Variants in ST7L observed in about 807,000 individuals in gnomAD.
ST7L encodes the protein suppressor of tumorigenicity 7 protein-like.
A neutral mutation model predicts 72.5 loss-of-function variants in ST7L; 57 were observed. The observed-to-expected ratio is 0.79, with a 90% CI of 0.64 to 0.98. The LOEUF is 0.98. Ranked by LOEUF, ST7L falls within the 50% of genes least tolerant of loss-of-function variation. ST7L has a pLI of 0.00. For synonymous variants in ST7L, 221 were observed against 240.9 expected, an observed-to-expected ratio of 0.92 and a Z score of 0.77; for missense variants, 576 against 672.2, an observed-to-expected ratio of 0.86 and a Z score of 1.58.
intron 13 of ST7L, among the ~76,000 whole-genome samples, chr1:112,542,436 G>C (rs1479637197): frequency 2.6e-5 from 4 of 152,188 alleles, no homozygotes; most frequent in Admixed American, 6.5e-5. Context: ...GCTATGGAGA[G>C]TTGTAATGAT....
At position 112,525,820 on chromosome 1, in the gene ST7L, T is replaced by C. The variant is rs1653288994; in HGVS notation, c.*193A>G. 1 of 647,588 alleles carries C rather than the reference T, an allele frequency of 1.5e-6. No individual in the cohort carries two copies. Among genetic ancestry groups the C allele is most frequent in the South Asian group, 3.2e-5 (1 of 31,404 alleles). 40.1% of individuals were successfully genotyped at this position (647,588 alleles called of 1,614,324 possible). On this transcript the variant is annotated 3_prime_UTR_variant, in exon 15 of 15. Transcript: ENST00000358039. ...AGGAAGACAATTTCATCTACAGTTG[T>C]CCTTTTTGACAGCTTCCAAGGGGGG...
rs567601091 is a variant in ST7L at position 112,551,138 on chromosome 1, C to CTTTTTTTTTTTTT, written c.1397-458_1397-446dup. Among the ~76,000 whole-genome samples, 24 of 77,222 alleles carry CTTTTTTTTTTTTT rather than the reference C, an allele frequency of 3.1e-4. 4 individuals carry two copies. The highest frequency in any genetic ancestry group is 1.1e-3 in the African/African-American group (18 of 15,784). The allele number at this position is 77,222 out of a possible 152,430, so 50.7% of individuals were successfully genotyped here. On this transcript the variant is annotated intron_variant, in intron 12 of 14. Transcript: ENST00000358039. The stretch of plus-strand genomic sequence containing the variant: ...TCACCAAAGCTTTCTATGAGCAGAT[C>CTTTTTTTTTTTTT]TTTTTTTTTTTTTTTTTTTTTTTTT...
chr1:112,565,105 C>T (rs1027123886), intron 11 of ST7L, among the ~76,000 whole-genome samples: 4 of 150,502 alleles, frequency 2.7e-5, no homozygotes, highest in Non-Finnish European at 5.9e-5. Context: ...AGTGCAATGG[C>T]GCGATCTCGG....
chr1:112,617,717 T>TCACACACACACA (rs56216561), intron 1 of ST7L, among the ~76,000 whole-genome samples: 1 of 126,432 alleles, frequency 7.9e-6, no homozygotes, highest in African/African-American at 4.1e-5. Context: ...TTTCTCTCTC[T>TCACACACACACA]CACACACACA....
chr1:112,552,590 G>C (rs1170778988), intron 12 of ST7L, among the ~76,000 whole-genome samples: 1 of 152,078 alleles, frequency 6.6e-6, no homozygotes, highest in Non-Finnish European at 1.5e-5. Flanking sequence ...TTTTAGTAGA[G>C]ACGGGGTTTC....
intron 11 of ST7L, among the ~76,000 whole-genome samples, chr1:112,561,542 G>A (rs775660578): frequency 6.6e-6 from 1 of 151,752 alleles, no homozygotes; most frequent in Non-Finnish European, 1.5e-5. Context: ...GTGCAATGGC[G>A]TGATCTCGGC....
chr1:112,577,619 T>C (rs1663352352), intron 10 of ST7L, among the ~76,000 whole-genome samples: 1 of 149,720 alleles, frequency 6.7e-6, no homozygotes, highest in South Asian at 2.1e-4. Flanking sequence ...GTCTTCAAAC[T>C]TAGGTAAAGA....
chr1:112,605,478 G>A (rs916570102), intron 3 of ST7L, among the ~76,000 whole-genome samples: 13 of 151,912 alleles, frequency 8.6e-5, no homozygotes, highest in African/African-American at 2.9e-4. Flanking sequence ...ATCACCTGAG[G>A]TTGGGAGTTC....
intron 11 of ST7L, among the ~76,000 whole-genome samples, chr1:112,568,630 T>C (rs1207357459): frequency 2.0e-5 from 3 of 150,858 alleles, no homozygotes; most frequent in Admixed American, 1.3e-4. Context: ...CCACTGCGCC[T>C]GGCCAATAAT....
chr1:112,615,242 C>T (rs1388921016), intron 2 of ST7L, among the ~76,000 whole-genome samples: 3 of 152,002 alleles, frequency 2.0e-5, no homozygotes, highest in Non-Finnish European at 4.4e-5. Context: ...CCTCGGTCTC[C>T]CAAAGTGCTA....
chr1:112,565,469 T>C (rs913622087), intron 11 of ST7L, among the ~76,000 whole-genome samples: 1 of 152,234 alleles, frequency 6.6e-6, no homozygotes, highest in African/African-American at 2.4e-5. Context: ...TTTTGTTTCT[T>C]ACTGCTCTAC....
chr1:112,560,393 C>CA (rs1659926109), intron 11 of ST7L, among the ~76,000 whole-genome samples: 2 of 151,234 alleles, frequency 1.3e-5, no homozygotes, highest in South Asian at 4.2e-4. Context: ...GACTCTGTCT[C>CA]AAAAAAACCC....
intron 2 of ST7L, among the ~76,000 whole-genome samples, chr1:112,611,488 C>T (rs1009393124): frequency 1.3e-5 from 2 of 152,160 alleles, no homozygotes; most frequent in African/African-American, 4.8e-5. Flanking sequence ...ATGTGGTTAA[C>T]AAGAATTATA....
At chr1:112,573,091 G>A (rs1390466724) in intron 11 of ST7L, among the ~76,000 whole-genome samples, 1 of 152,154 alleles carries the variant, frequency 6.6e-6, no homozygotes, top group Non-Finnish European at 1.5e-5. Flanking sequence ...GCTTATGCCT[G>A]TAATCTCAGC....
intron 14 of ST7L, among the ~76,000 whole-genome samples, chr1:112,530,956 T>A (rs1362716214): frequency 6.6e-6 from 1 of 152,186 alleles, no homozygotes; most frequent in Non-Finnish European, 1.5e-5. Flanking sequence ...TATCCCAATA[T>A]CCTTTTATTT....
chr1:112,577,412 C>T (rs1328866436), intron 10 of ST7L, among the ~76,000 whole-genome samples: 30 of 150,666 alleles, frequency 2.0e-4, no homozygotes, highest in Non-Finnish European at 4.4e-5. Context: ...CCTGTAGTCC[C>T]AGGCACACAT....
At chr1:112,530,646 C>G (rs1240423730) in intron 14 of ST7L, among the ~76,000 whole-genome samples, 1 of 152,130 alleles carries the variant, frequency 6.6e-6, no homozygotes, top group African/African-American at 2.4e-5. Flanking sequence ...AACTCCTGAC[C>G]TCAGATGATC....
intron 11 of ST7L, among the ~76,000 whole-genome samples, chr1:112,572,316 A>C (rs1289811558): frequency 6.6e-6 from 1 of 152,236 alleles, no homozygotes; most frequent in Non-Finnish European, 1.5e-5. Flanking sequence ...CACCAGCTGC[A>C]TTAGCCCCTA....
upstream of ST7L, chr1:112,619,234 C>A: frequency 2.2e-6 from 2 of 912,304 alleles, no homozygotes; most frequent in Non-Finnish European, 3.3e-6. Context: ...TCCTGGGGAA[C>A]CGGGACCGAG....
Sources: allele counts gnomAD v4.1 joint callset (sites outside exome capture counted in the v4.1 genomes callset), GRCh38; gene constraint gnomAD v4.1.1; transcripts MANE v1.5; gene names NCBI Gene and HGNC (gene_info 2026-07-23, HGNC 2026-07-21).